Variants in DIP2C observed in about 807,000 individuals in gnomAD.
DIP2C encodes DIP2 acetate--CoA ligase C (putative), also known as disco-interacting protein 2 homolog C.
DIP2C carries 33 observed loss-of-function variants against 192.4 expected under a neutral mutation model. The observed-to-expected ratio is 0.17, with a 90% confidence interval of 0.13 to 0.23. DIP2C has a LOEUF of 0.23. Ranked by LOEUF, DIP2C falls within the 10% of genes least tolerant of loss-of-function variation. The pLI is 1.00. For synonymous variants in DIP2C, 979 were observed against 864.1 expected (o/e 1.13, Z -2.33); for missense variants, 1,537 against 2,110.1 (o/e 0.73, Z 5.32).
chr10:520,797 A>C (rs1462370315), intron 1 of DIP2C, among the ~76,000 whole-genome samples: 1 of 152,254 alleles, frequency 6.6e-6, no homozygotes, highest in Non-Finnish European at 1.5e-5. Context: ...TTGTCTTCTC[A>C]GAAAAAGAAC....
intron 4 of DIP2C, among the ~76,000 whole-genome samples, chr10:423,674 T>C (rs1966368939): frequency 1.3e-5 from 2 of 152,304 alleles, no homozygotes; most frequent in South Asian, 2.1e-4. Context: ...GCACCTGATT[T>C]GTGCGTTGGT....
chr10:666,725 T>TG lies in DIP2C; in HGVS notation c.85+22768dup, dbSNP rs374647769. On this transcript the variant is annotated intron_variant, in intron 1 of 36. Coordinates refer to ENST00000280886, the MANE Select transcript of DIP2C (RefSeq NM_014974.3). This position sits in a 1 kb window ranked among gnomAD's most constrained non-coding sequence, Gnocchi z 4.1. ...GCTACCACAGGACGCAGCTGGGGTC[T>TG]GGACGTGGGCCTGGGGGCTGGTGGA... is the stretch of plus-strand genomic sequence containing the variant. The TG allele has an allele frequency of 1.2e-3, 188 of 152,714 alleles. 2 individuals are homozygous for TG. Among genetic ancestry groups the TG allele is most frequent in the African/African-American group, 4.1e-3 (171 of 41,576 alleles). The allele number at this position is 152,714 out of a possible 1,614,324, so 9.5% of individuals were successfully genotyped here. A position where few individuals can be genotyped will look rare whatever the true frequency, so the allele number is the denominator to read the frequency against.
intron 8 of DIP2C, among the ~76,000 whole-genome samples, chr10:413,071 ACCT>A (rs1489150415): frequency 6.6e-6 from 1 of 151,810 alleles, no homozygotes; most frequent in Admixed American, 6.6e-5. Flanking sequence ...TGCAGCCTCG[ACCT>A]CCTCCTCCTG....
chr10:687,428 T>G (rs569321907), intron 1 of DIP2C, among the ~76,000 whole-genome samples: 5 of 152,216 alleles, frequency 3.3e-5, no homozygotes, highest in African/African-American at 1.2e-4. Context: ...GGCCGGAGGG[T>G]GCAGAGAGGC....
Position 663,014 on chromosome 10 carries a change from T to C in DIP2C, c.85+26480A>G, listed in dbSNP as rs1475721638. ...AACGTCACACAAAAGGGTTTCTATG[T>C]CCAGGAAAGACTCTAAACACTCTGG... is the stretch of plus-strand genomic sequence containing the variant. On this transcript the variant is annotated intron_variant, in intron 1 of 36. Transcript: ENST00000280886. The C allele has an allele frequency of 5.7e-6, 4 of 703,044 alleles. No individual in the cohort carries two copies. The East Asian group carries it at 1.1e-4, about 19-fold the overall frequency. 43.6% of individuals were successfully genotyped at this position (703,044 alleles called of 1,614,324 possible). A position where few individuals can be genotyped will look rare whatever the true frequency, so the allele number is the denominator to read the frequency against.
chr10:318,124 C>T (rs892864412), intron 31 of DIP2C, among the ~76,000 whole-genome samples: 19 of 152,072 alleles, frequency 1.2e-4, no homozygotes, highest in African/African-American at 2.9e-4. Flanking sequence ...AGGACGAGAA[C>T]ACAGTGATGC....
chr10:500,551 C>T (rs1008523467), intron 1 of DIP2C, among the ~76,000 whole-genome samples: 2 of 152,210 alleles, frequency 1.3e-5, no homozygotes, highest in Non-Finnish European at 2.9e-5. Context: ...ATATTTAATA[C>T]CTATTGTGTG....
chr10:514,309 C>G (rs760542811), intron 1 of DIP2C, among the ~76,000 whole-genome samples: 1 of 152,154 alleles, frequency 6.6e-6, no homozygotes. Flanking sequence ...CATGGCAACC[C>G]CACTCCTGGC....
At chr10:559,271 G>A (rs1849066555) in intron 1 of DIP2C, among the ~76,000 whole-genome samples, 1 of 150,770 alleles carries the variant, frequency 6.6e-6, no homozygotes, top group Admixed American at 6.6e-5. Context: ...CACGACGAGG[G>A]TCTAACCAGG....
At chr10:350,724 C>A (rs147614422) in intron 24 of DIP2C, among the ~76,000 whole-genome samples, 1 of 151,376 alleles carries the variant, frequency 6.6e-6, no homozygotes, top group Admixed American at 6.6e-5. Flanking sequence ...CGGCAACCTC[C>A]GCCTTCCGGA....
intron 1 of DIP2C, among the ~76,000 whole-genome samples, chr10:495,675 T>C (rs986184854): frequency 3.9e-5 from 6 of 152,138 alleles, no homozygotes; most frequent in Non-Finnish European, 7.3e-5. Context: ...AAGTCCCTGA[T>C]AGAAAATGGC....
chr10:417,803 C>T lies in DIP2C; in HGVS notation c.739+1262G>A, dbSNP rs867575262. Among the ~76,000 whole-genome samples, 103 of 90,432 alleles carry T rather than the reference C, an allele frequency of 1.1e-3. 25 individuals carry two copies. Among genetic ancestry groups the T allele is most frequent in the African/African-American group, 3.9e-3 (72 of 18,544 alleles). 59.3% of individuals were successfully genotyped at this position (90,432 alleles called of 152,430 possible). On this transcript the variant is annotated intron_variant, in intron 6 of 36. Transcript: ENST00000280886. ...CAGGGCTCGGATAGGCCTCCCTGTC[C>T]ACCTGTTCCTGTCAGGGCGCGGACA...
At chr10:579,334 C>T (rs889426165) in intron 1 of DIP2C, among the ~76,000 whole-genome samples, 18 of 151,888 alleles carry the variant, frequency 1.2e-4, no homozygotes, top group Non-Finnish European at 2.6e-4. Context: ...TGTGTACATG[C>T]ATAGTGTACA....
At chr10:498,985 G>A (rs923322716) in intron 1 of DIP2C, among the ~76,000 whole-genome samples, 5 of 152,190 alleles carry the variant, frequency 3.3e-5, no homozygotes, top group South Asian at 4.1e-4. Flanking sequence ...CTGCTGACTC[G>A]GAGAACAACT....
chr10:464,623 T>C (rs1286405442), intron 3 of DIP2C, among the ~76,000 whole-genome samples: 2 of 152,198 alleles, frequency 1.3e-5, no homozygotes, highest in East Asian at 3.9e-4. Context: ...GCAATCCCAT[T>C]ACTGGGTATA....
chr10:470,728 G>A (rs1008855278), intron 3 of DIP2C, among the ~76,000 whole-genome samples: 1 of 151,988 alleles, frequency 6.6e-6, no homozygotes, highest in Non-Finnish European at 1.5e-5. Flanking sequence ...CGGATCTCCT[G>A]TGTGGTAAGA....
In DIP2C at chr10:559,220, T is replaced by C. The variant is rs539356739; in HGVS notation, c.86-72690A>G. Among the ~76,000 whole-genome samples the C allele has an allele frequency of 9.6e-4, 146 of 152,098 alleles. 1 individual carries two copies. In the South Asian group the frequency reaches 9.8e-3, roughly 10 times the overall value. ...CATCTCAGGTGAATCACTTTAATAA[T>C]GAGAGAAGTGCTTGGGCCCTCGATC... On this transcript the variant is annotated intron_variant, in intron 1 of 36. Coordinates refer to ENST00000280886, the MANE Select transcript of DIP2C (RefSeq NM_014974.3).
At chr10:503,377 G>T (rs552839977) in intron 1 of DIP2C, among the ~76,000 whole-genome samples, 3 of 152,326 alleles carry the variant, frequency 2.0e-5, no homozygotes, top group South Asian at 4.2e-4. Context: ...CAATGAAGTG[G>T]ATGGACATAA....
intron 1 of DIP2C, among the ~76,000 whole-genome samples, chr10:589,859 A>C (rs1808954760): frequency 1.3e-5 from 2 of 152,228 alleles, no homozygotes; most frequent in South Asian, 2.1e-4. Flanking sequence ...GGTAGTTACC[A>C]AGGGCCACAA....
Sources: allele counts gnomAD v4.1 joint callset (sites outside exome capture counted in the v4.1 genomes callset), GRCh38; gene constraint gnomAD v4.1.1; non-coding constraint Gnocchi (gnomAD v3.1); transcripts MANE v1.5; gene names NCBI Gene and HGNC (gene_info 2026-07-23, HGNC 2026-07-21).